ATOX1: variants seen among roughly 807,000 people sequenced by gnomAD.
ATOX1 encodes the protein copper transport protein ATOX1.
Under a neutral mutation model 7.3 loss-of-function variants are expected in ATOX1, and 4 were observed. The observed-to-expected ratio is 0.55, with a 90% CI of 0.27 to 1.25. The LOEUF (loss-of-function observed/expected upper bound fraction) is 1.25. Ranked by LOEUF, ATOX1 falls within the 50% of genes most tolerant of loss-of-function variation. The probability of loss-of-function intolerance (pLI) is 0.12; values close to 1 mark genes in which losing one functional copy is unlikely to be tolerated. For missense variants in ATOX1, 68 were observed against 81.6 expected, an observed-to-expected ratio of 0.83 and a Z score of 0.64; for synonymous variants, 25 against 28.7, an observed-to-expected ratio of 0.87 and a Z score of 0.41.
chr5:151,747,603 T>TTGACACAGAGTCTCGCTGTG (rs1316620235), intron 2 of ATOX1, among the ~76,000 whole-genome samples: 1 of 151,730 alleles, frequency 6.6e-6, no homozygotes, highest in Non-Finnish European at 1.5e-5. Flanking sequence ...TTTTTTTTTT[T>TTGACACAGAGTCTCGCTGTG]TGACACAGAG....
chr5:151,752,103 C>G, intron 1 of ATOX1: 1 of 606,922 alleles, frequency 1.6e-6, no homozygotes, highest in Non-Finnish European at 2.9e-6. Context: ...GATTCTTGAG[C>G]TATGAGCTTT....
intron 1 of ATOX1, among the ~76,000 whole-genome samples, chr5:151,754,830 A>G (rs1761992944): frequency 6.6e-6 from 1 of 151,896 alleles, no homozygotes; most frequent in Admixed American, 6.6e-5. Context: ...CTAAAAATAC[A>G]AAAATTAGCT....
rs749904778 is a variant in ATOX1, at chr5:151,748,825, C to T, written c.83-2376G>A. ...GCAGTGAGCCAAGATCATGCCACTG[C>T]ACTCCAGCCTGGGAGACAGAGTGAG... On this transcript the variant is annotated intron_variant, in intron 2 of 3. Coordinates refer to ENST00000313115, the MANE Select transcript of ATOX1 (RefSeq NM_004045.4). Among the ~76,000 whole-genome samples, 68 of 152,138 alleles carry T rather than the reference C, an allele frequency of 4.5e-4. 1 individual carries two copies. The highest frequency in any genetic ancestry group is 3.1e-3 in the Admixed American group (47 of 15,278).
At chr5:151,752,436 C>T in intron 1 of ATOX1, 1 of 694,638 alleles carries the variant, frequency 1.4e-6, no homozygotes. Flanking sequence ...TTCATGTAAG[C>T]TCTACATTCT....
At chr5:151,755,667 C>A (rs1406044655) in intron 1 of ATOX1, among the ~76,000 whole-genome samples, 1 of 152,200 alleles carries the variant, frequency 6.6e-6, no homozygotes, top group Non-Finnish European at 1.5e-5. Context: ...CAGAAACCAG[C>A]TTCTGGGTAT....
chr5:151,752,738 C>T (rs1033000695), intron 1 of ATOX1, among the ~76,000 whole-genome samples: 13 of 152,190 alleles, frequency 8.5e-5, no homozygotes, highest in African/African-American at 3.1e-4. Flanking sequence ...AGCTCTGGCA[C>T]TACTAGTTGC....
chr5:151,758,411 G>A (rs1762042285), intron 1 of ATOX1, 135 bp downstream of exon 1: 13 of 1,313,886 alleles, frequency 9.9e-6, no homozygotes. Flanking sequence ...GGGCTGGGTG[G>A]GGTAAGCTAG....
intron 2 of ATOX1, among the ~76,000 whole-genome samples, chr5:151,747,418 T>G (rs2113177353): frequency 6.6e-6 from 1 of 151,046 alleles, no homozygotes; most frequent in East Asian, 2.0e-4. Context: ...CCCAAGTTGT[T>G]GTGACTACAG....
chr5:151,755,712 C>T (rs1487448654), intron 1 of ATOX1, among the ~76,000 whole-genome samples: 1 of 152,126 alleles, frequency 6.6e-6, no homozygotes, highest in African/African-American at 2.4e-5. Context: ...TCCTCCACCT[C>T]TGAGGGGCAA....
Position 151,744,708 on chromosome 5 carries a change from T to C in ATOX1, c.*46+1571A>G, listed in dbSNP as rs949893963. The C allele has an allele frequency of 2.6e-5, 4 of 152,172 alleles. No homozygotes were observed. The South Asian group carries it at 8.3e-4, about 32-fold the overall frequency. The allele number at this position is 152,172 out of a possible 1,614,324, so 9.4% of individuals were successfully genotyped here. The stretch of plus-strand genomic sequence containing the variant: ...ATACAGTCTTACGGGAAGCCCAATA[T>C]GACACAGGACCGTTTGGGAGCTATG... On this transcript the variant is annotated intron_variant, in intron 3 of 3. Coordinates refer to ENST00000313115, the MANE Select transcript of ATOX1 (RefSeq NM_004045.4).
intron 2 of ATOX1, among the ~76,000 whole-genome samples, chr5:151,749,716 C>T (rs1215528162): frequency 1.2e-4 from 18 of 150,272 alleles, no homozygotes; most frequent in Admixed American, 1.2e-3. Context: ...AAAGCTGATA[C>T]AGACATACAA....
At chr5:151,750,770 CT>C (rs1761939846) in intron 2 of ATOX1, among the ~76,000 whole-genome samples, 1 of 151,204 alleles carries the variant, frequency 6.6e-6, no homozygotes, top group African/African-American at 2.4e-5. Context: ...CCTCAGCCCC[CT>C]AAATTAGCTG....
In ATOX1 at chr5:151,746,350, G is replaced by T. The variant is rs763020110; in HGVS notation, c.182C>A (p.Thr61Asn). ...LLATLKKTGK[T>N]VSYLGLE is the part of the protein sequence containing the mutation. Reference sequence around the variant, plus strand: ...CTACTCAAGGCCAAGGTAGGAAACAGTCTTTCCTGTTTTCTTCAGGGTTGC... The same window carrying T: ...CTACTCAAGGCCAAGGTAGGAAACATTCTTTCCTGTTTTCTTCAGGGTTGC... The change falls in exon 3 of 4, where the codon ACT (threonine) becomes AAT (asparagine). Residue 61 changes from threonine to asparagine, a missense_variant. Physicochemically the swap from Thr to Asn is moderately conservative, Grantham distance 65. Coordinates refer to ENST00000313115, the MANE Select transcript of ATOX1 (RefSeq NM_004045.4). The T allele has an allele frequency of 6.2e-7, 1 of 1,613,850 alleles. No individual in the cohort carries two copies. The highest frequency in any genetic ancestry group is 1.7e-5 in the Admixed American group (1 of 60,026).
intron 2 of ATOX1, among the ~76,000 whole-genome samples, chr5:151,747,535 T>C (rs1394882575): frequency 6.6e-6 from 1 of 152,130 alleles, no homozygotes; most frequent in Non-Finnish European, 1.5e-5. Flanking sequence ...TCCGCCTGCC[T>C]TGGCTTCCCA....
At position 151,746,363 on chromosome 5, in the gene ATOX1, TC is replaced by T; in HGVS notation, c.168del (p.Thr58GlnfsTer47). On this transcript the variant is annotated frameshift_variant, in exon 3 of 4. Transcript: ENST00000313115. LOFTEE classifies it high-confidence loss of function. ...AGGTAGGAAACAGTCTTTCCTGTTT[TC>T]TTCAGGGTTGCAAGCAGAGTGTCCA... Reference protein sequence around the residue: ...HSMDTLLATLKKTGKTVSYLG... With the variant: ...HSMDTLLATLXKTGKTVSYLG... 1 of 1,613,960 alleles carries T rather than the reference TC, an allele frequency of 6.2e-7. No homozygotes were observed. The highest frequency in any genetic ancestry group is 8.5e-7 in the Non-Finnish European group (1 of 1,179,852).
At chr5:151,752,446 TAC>T in intron 1 of ATOX1, 1 of 691,392 alleles carries the variant, frequency 1.4e-6, no homozygotes, top group Non-Finnish European at 2.6e-6. Context: ...CTCTACATTC[TAC>T]AGTCTCTAGG....
In ATOX1 at chr5:151,756,389, G is replaced by T. The variant is rs536259374; in HGVS notation, c.6+2157C>A. ...AACCACTGAGATCTTGTTAAAATGG[G>T]ATTGAAAGCTGCCTGCCTATAGTTT... On this transcript the variant is annotated intron_variant, in intron 1 of 3. Coordinates refer to ENST00000313115, the MANE Select transcript of ATOX1 (RefSeq NM_004045.4). Among the ~76,000 whole-genome samples the T allele has an allele frequency of 2.0e-5, 3 of 151,826 alleles. No homozygotes were observed. The South Asian group carries it at 6.2e-4, about 32-fold the overall frequency.
intron 1 of ATOX1, among the ~76,000 whole-genome samples, chr5:151,754,354 A>G (rs1398896258): frequency 6.6e-6 from 1 of 152,204 alleles, no homozygotes; most frequent in Non-Finnish European, 1.5e-5. Context: ...CATGCCTATA[A>G]TCTCAACACT....
chr5:151,752,696 T>C (rs2113183639), intron 1 of ATOX1, among the ~76,000 whole-genome samples: 1 of 152,324 alleles, frequency 6.6e-6, no homozygotes, highest in East Asian at 1.9e-4. Context: ...AATGAGACCA[T>C]CTGAAATCAG....
Sources: gnomAD v4.1 joint callset for allele counts (sites outside exome capture counted in the v4.1 genomes callset) on GRCh38, gnomAD v4.1.1 for gene constraint, MANE v1.5 for transcripts, NCBI Gene and HGNC (gene_info 2026-07-23, HGNC 2026-07-21) for gene names.